Variants in BRF1 observed in about 807,000 individuals in gnomAD.
BRF1 encodes transcription factor IIIB 90 kDa subunit.
BRF1 carries 59 observed loss-of-function variants against 81.7 expected under a neutral mutation model. The ratio of observed to expected loss-of-function variants is 0.72; its 90% confidence interval spans 0.59 to 0.90. The LOEUF is 0.90. Ranked by LOEUF, BRF1 falls within the 40% of genes least tolerant of loss-of-function variation. The pLI, the probability that BRF1 is intolerant of heterozygous loss-of-function variation, is 0.00. For missense variants in BRF1, 1,050 were observed against 936.3 expected (o/e 1.12, Z -1.58); for synonymous variants, 491 against 395.6 (o/e 1.24, Z -2.86).
intron 15 of BRF1, among the ~76,000 whole-genome samples, chr14:105,215,918 A>C (rs951580845): frequency 6.7e-6 from 1 of 149,116 alleles, no homozygotes; most frequent in African/African-American, 2.5e-5. Flanking sequence ...CTGCATACGC[A>C]GACAGGCACA....
chr14:105,301,539 C>T (rs1377038231), upstream of BRF1, among the ~76,000 whole-genome samples: 1 of 152,154 alleles, frequency 6.6e-6, no homozygotes, highest in Non-Finnish European at 1.5e-5. Flanking sequence ...CGCTGGGGGG[C>T]CTGGCCGCAG....
At chr14:105,226,368 C>G in intron 8 of BRF1, 78 bp from the exon 9 acceptor site, 1 of 1,582,872 alleles carries the variant, frequency 6.3e-7, no homozygotes, top group Non-Finnish European at 8.7e-7. Flanking sequence ...CCGCGTGGGC[C>G]CCAGGGACCA....
rs772123455 is a variant in BRF1, at chr14:105,241,335, C to A, written c.624G>T (p.Leu208=). The change falls in exon 6 of 18, where the codon CTG becomes CTT. Residue 208 remains leucine, a synonymous_variant. Coordinates refer to ENST00000547530, the MANE Select transcript of BRF1 (RefSeq NM_001519.4). ...EKNHEVSMTA[L]RLLQRMKRDW... is the part of the protein sequence containing the mutation. ...CCCGCTTCATCCTCTGTAGGAGCCT[C>A]AGGGCAGTCATGGACACCTCGTGGT... The A allele has an allele frequency of 6.2e-7, 1 of 1,612,774 alleles. No individual in the cohort carries two copies. Among genetic ancestry groups the A allele is most frequent in the Non-Finnish European group, 8.5e-7 (1 of 1,179,940 alleles).
chr14:105,266,294 T>C, intron 3 of BRF1, among the ~76,000 whole-genome samples: 1 of 152,038 alleles, frequency 6.6e-6, no homozygotes, highest in Admixed American at 6.6e-5. Context: ...GCACCTATGG[T>C]CCCGGCTACT....
At chr14:105,308,079 A>G (rs1296753424) in intron 1 of BRF1, among the ~76,000 whole-genome samples, 5 of 152,074 alleles carry the variant, frequency 3.3e-5, no homozygotes, top group Admixed American at 6.6e-5. Flanking sequence ...GCTACTTGGG[A>G]GGCTGAGGCA....
chr14:105,274,109 C>T (rs1166847338), intron 2 of BRF1, among the ~76,000 whole-genome samples: 1 of 152,202 alleles, frequency 6.6e-6, no homozygotes, highest in Non-Finnish European at 1.5e-5. Context: ...TTCTTTACTC[C>T]GCTGAGATGT....
intron 15 of BRF1, among the ~76,000 whole-genome samples, chr14:105,214,535 C>T (rs1042651838): frequency 1.2e-4 from 12 of 104,232 alleles, no homozygotes; most frequent in Admixed American, 8.0e-4. Flanking sequence ...CGTGGCTCAG[C>T]TGCCCACACC....
At chr14:105,249,938 A>C (rs1389175211) in intron 5 of BRF1, 1 of 1,611,858 alleles carries the variant, frequency 6.2e-7, no homozygotes, top group Non-Finnish European at 8.5e-7. Flanking sequence ...GGAGGCCCTC[A>C]ACACCAAAGA....
At chr14:105,254,872 C>CA (rs1165987861) in intron 4 of BRF1, among the ~76,000 whole-genome samples, 3 of 152,180 alleles carry the variant, frequency 2.0e-5, no homozygotes, top group Non-Finnish European at 4.4e-5. Context: ...TAAATACATG[C>CA]AGTTCTTTAC....
chr14:105,286,637 CCT>C (rs2057325904), intron 1 of BRF1, among the ~76,000 whole-genome samples: 1 of 151,998 alleles, frequency 6.6e-6, no homozygotes, highest in Non-Finnish European at 1.5e-5. Flanking sequence ...ACGGAGTCTC[CCT>C]CTGTTGCCCA....
At chr14:105,308,501 G>C (rs909904387) in intron 1 of BRF1, among the ~76,000 whole-genome samples, 1 of 79,824 alleles carries the variant, frequency 1.3e-5, no homozygotes, top group Non-Finnish European at 2.2e-5. Context: ...TTTTTTTTTT[G>C]AGATGGAGTC....
At chr14:105,253,782 C>G (rs1321997554) in intron 4 of BRF1, among the ~76,000 whole-genome samples, 1 of 152,222 alleles carries the variant, frequency 6.6e-6, no homozygotes, top group Non-Finnish European at 1.5e-5. Flanking sequence ...ATCACAAGGG[C>G]TGGTGGCTCA....
upstream of BRF1, chr14:105,301,097 T>G (rs1260417672): frequency 6.8e-6 from 1 of 146,914 alleles, no homozygotes; most frequent in African/African-American, 2.6e-5. Flanking sequence ...GAGCTAAGGG[T>G]GGGGCCTCGC....
upstream of BRF1, among the ~76,000 whole-genome samples, chr14:105,301,862 C>A (rs1404956219): frequency 6.6e-6 from 1 of 152,186 alleles, no homozygotes; most frequent in African/African-American, 2.4e-5. Flanking sequence ...CGTAACCAGG[C>A]GTAGTGGCTC....
chr14:105,256,074 G>C, intron 4 of BRF1: 1 of 951,648 alleles, frequency 1.1e-6, no homozygotes, highest in Non-Finnish European at 1.4e-6. Flanking sequence ...GCAGTAAGCT[G>C]AGATCACGCC....
At position 105,314,952 on chromosome 14, in the gene BRF1, G is replaced by GCGCCCGGCGCGCTCAACA. The variant is rs2058501205; in HGVS notation, c.-162+352_-162+369dup. On this transcript the variant is annotated intron_variant, in intron 1 of 17. Coordinates refer to the BRF1 transcript ENST00000327359. Reference sequence around the variant, plus strand: ...GCGAGGCCGCCTCGGCCTCCCCGGCGCGCCCGGCGCGCTCAACACGCCCGT... The same window carrying GCGCCCGGCGCGCTCAACA: ...GCGAGGCCGCCTCGGCCTCCCCGGCGCGCCCGGCGCGCTCAACACGCCCGGCGCGCTCAACACGCCCGT... 6 of 1,179,786 alleles carry GCGCCCGGCGCGCTCAACA rather than the reference G, an allele frequency of 5.1e-6. No homozygotes were observed. The highest frequency in any genetic ancestry group is 1.7e-5 in the African/African-American group (1 of 60,564). 73.1% of individuals were successfully genotyped at this position (1,179,786 alleles called of 1,614,324 possible).
chr14:105,220,095 C>A lies in BRF1; in HGVS notation c.1351G>T (p.Gly451Cys), dbSNP rs1239793063. ...ASGDGELDLS[G>C]IDDLEIDRYI... is the part of the protein sequence containing the mutation. ...CTGTCAATCTCCAGGTCATCAATGC[C>A]ACTGAGGTCCAGCTCACCGTCTCCT... is the stretch of plus-strand genomic sequence containing the variant. The change falls in exon 12 of 18, where the codon GGC becomes TGC. Residue 451 changes from glycine (G) to cysteine (C), a missense_variant. Coordinates refer to ENST00000547530, the MANE Select transcript of BRF1 (RefSeq NM_001519.4). 1 of 1,613,340 alleles carries A rather than the reference C, an allele frequency of 6.2e-7. No individual in the cohort carries two copies. Among genetic ancestry groups the A allele is most frequent in the Non-Finnish European group, 8.5e-7 (1 of 1,180,038 alleles).
intron 16 of BRF1, 55 bp from the exon 17 acceptor site, chr14:105,211,348 A>ACAGACCCCT: frequency 6.8e-7 from 1 of 1,464,858 alleles, no homozygotes; most frequent in Non-Finnish European, 9.1e-7. Flanking sequence ...GTGTATCTCA[A>ACAGACCCCT]CAGACCCCTC....
chr14:105,292,147 C>T (rs1032456598), intron 1 of BRF1, among the ~76,000 whole-genome samples: 11 of 152,076 alleles, frequency 7.2e-5, no homozygotes, highest in South Asian at 2.1e-4. Context: ...TGCGCCACCA[C>T]GCCTAGCTAA....
Sources: allele counts gnomAD v4.1 joint callset (sites outside exome capture counted in the v4.1 genomes callset), GRCh38; gene constraint gnomAD v4.1.1; transcripts MANE v1.5; gene names NCBI Gene and HGNC (gene_info 2026-07-23, HGNC 2026-07-21).